RNF19B: variants seen among roughly 807,000 people sequenced by gnomAD.
RNF19B encodes E3 ubiquitin-protein ligase RNF19B.
In RNF19B, 23 loss-of-function variants were observed where a neutral mutation model predicts 65.5. The observed-to-expected ratio is 0.35, with a 90% CI of 0.25 to 0.50. The LOEUF (loss-of-function observed/expected upper bound fraction) is 0.50, where lower values mean the gene tolerates loss of function less well. Among genes scored for constraint, RNF19B ranks in the 20% least tolerant of loss-of-function variants. RNF19B has a pLI of 0.98. For missense variants in RNF19B, 794 were observed against 980.0 expected (o/e 0.81, Z 2.53); for synonymous variants, 372 against 379.6 (o/e 0.98, Z 0.23).
chr1:32,944,008 C>T lies in RNF19B; in HGVS notation c.1402+11G>A, dbSNP rs1642303611. 6.3e-7 allele frequency: 1 copy of T among 1,592,760 alleles called. No individual in the cohort carries two copies. Among genetic ancestry groups the T allele is most frequent in the Non-Finnish European group, 8.6e-7 (1 of 1,166,790 alleles). The stretch of plus-strand genomic sequence containing the variant: ...ATAAATTCAAATGGAAATAAACATC[C>T]TGCTTTTTACCTGTGATTGGACCAT... On this transcript the variant is annotated intron_variant, in intron 6 of 8. Transcript: ENST00000235150.
In RNF19B at chr1:32,964,806, C is replaced by G; in HGVS notation, c.-121G>C. 2.1e-6 allele frequency: 2 copies of G among 969,332 alleles called. 1 individual carries two copies. The highest frequency in any genetic ancestry group is 7.6e-4 in the Middle Eastern group (2 of 2,628). The allele number at this position is 969,332 out of a possible 1,614,324, so 60.0% of individuals were successfully genotyped here. A position where few individuals can be genotyped will look rare whatever the true frequency, so the allele number is the denominator to read the frequency against. ...ACCACCGCCTCAACCGCCCTCCCGG[C>G]GATAGAAGCCGAGCGGCAACGACGA... is the stretch of plus-strand genomic sequence containing the variant. On this transcript the variant is annotated 5_prime_UTR_variant, in exon 1 of 9. Coordinates refer to ENST00000235150, the MANE Select transcript of RNF19B (RefSeq NM_001300826.2). This position sits in a 1 kb window ranked among gnomAD's most constrained non-coding sequence, Gnocchi z 6.5.
intron 1 of RNF19B, among the ~76,000 whole-genome samples, chr1:32,952,441 A>AC (rs1642526545): frequency 6.8e-6 from 1 of 147,030 alleles, no homozygotes; most frequent in South Asian, 2.2e-4. Context: ...AAAAAAAAAA[A>AC]AAAAAAAAAA....
At chr1:32,952,558 T>C (rs1642532624) in intron 1 of RNF19B, among the ~76,000 whole-genome samples, 1 of 149,624 alleles carries the variant, frequency 6.7e-6, no homozygotes, top group Non-Finnish European at 1.5e-5. Flanking sequence ...CTGGCCAACA[T>C]GGTGAAACGC....
chr1:32,936,863 A>G lies in RNF19B; in HGVS notation c.2139T>C (p.Ser713=), dbSNP rs1488502788. 1.9e-6 allele frequency: 3 copies of G among 1,609,850 alleles called. No individual in the cohort carries two copies. In the East Asian group the frequency reaches 6.7e-5, roughly 36 times the overall value. ...APSPSAHMNL[S]ALAEGQTVLK... is the part of the protein sequence containing the mutation. ...AGACAGTTTGTCCCTCGGCTAGGGC[A>G]GAGAGGTTCATATGGGCACTTGGGC... Residue 713 remains serine (S), a synonymous_variant, in exon 9 of 9, where the codon TCT becomes TCC. Transcript: ENST00000235150.
chr1:32,948,060 A>G (rs1642409077), intron 3 of RNF19B, among the ~76,000 whole-genome samples, 162 bp downstream of exon 3: 3 of 152,200 alleles, frequency 2.0e-5, no homozygotes, highest in Admixed American at 1.3e-4. Context: ...TAGAAACAGA[A>G]TAGTAGCTGG....
rs939769352 is a variant in RNF19B at position 32,936,841 on chromosome 1, C to G, written c.2161G>C (p.Val721Leu). ...GCTTCTCCACCTTCTGGCTTCAAGA[C>G]AGTTTGTCCCTCGGCTAGGGCAGAG... ...NLSALAEGQT[V>L]LKPEGGEARV is the part of the protein sequence containing the mutation. Residue 721 changes from valine (V) to leucine (L), a missense_variant, in exon 9 of 9, where the codon GTC becomes CTC. Coordinates refer to ENST00000235150, the MANE Select transcript of RNF19B (RefSeq NM_001300826.2). The G allele has an allele frequency of 1.3e-6, 2 of 1,587,570 alleles. No individual in the cohort carries two copies. The highest frequency in any genetic ancestry group is 2.2e-5 in the East Asian group (1 of 44,482).
At position 32,949,738 on chromosome 1, in the gene RNF19B, C is replaced by T. The variant is rs768161540; in HGVS notation, c.672G>A (p.Pro224=). 6 of 1,613,694 alleles carry T rather than the reference C, an allele frequency of 3.7e-6. No homozygotes were observed. The highest frequency in any genetic ancestry group is 1.7e-5 in the Admixed American group (1 of 59,942). ...AACCTTCCCTCTCACAAGTTAGCTT[C>T]GGGCAGCTGGCACAGCCATAGGCAA... ...AVIAYGCASC[P]KLTCEREGCQ... Residue 224 remains proline (P), a synonymous_variant, in exon 2 of 9, where the codon CCG becomes CCA. Transcript: ENST00000235150.
chr1:32,955,870 T>C (rs746931118), intron 1 of RNF19B, among the ~76,000 whole-genome samples: 2 of 152,206 alleles, frequency 1.3e-5, no homozygotes, highest in Non-Finnish European at 2.9e-5. Context: ...TCTTTTAGCT[T>C]AACCAATCAG....
intron 1 of RNF19B, among the ~76,000 whole-genome samples, chr1:32,955,162 T>C (rs1286783392): frequency 6.6e-6 from 1 of 152,088 alleles, no homozygotes; most frequent in African/African-American, 2.4e-5. Flanking sequence ...CTTTTTAATC[T>C]CAGTCTAGTA....
At chr1:32,950,525 C>G (rs1367173933) in intron 1 of RNF19B, among the ~76,000 whole-genome samples, 1 of 151,562 alleles carries the variant, frequency 6.6e-6, no homozygotes, top group African/African-American at 2.4e-5. Flanking sequence ...AGAGCTATGG[C>G]AAAAACTAAA....
chr1:32,937,466 C>A (rs1334748344), intron 8 of RNF19B, among the ~76,000 whole-genome samples: 1 of 152,088 alleles, frequency 6.6e-6, no homozygotes, highest in Non-Finnish European at 1.5e-5. Context: ...AACCCCAGCG[C>A]TTTGGGAGGT....
At chr1:32,943,335 G>C (rs188962449) in intron 6 of RNF19B, among the ~76,000 whole-genome samples, 1 of 152,062 alleles carries the variant, frequency 6.6e-6, no homozygotes, top group Non-Finnish European at 1.5e-5. Context: ...ATTTAGGCCA[G>C]ATGTGGTGGC....
Position 32,938,490 on chromosome 1 carries a change from G to A in RNF19B, c.1649C>T (p.Pro550Leu), listed in dbSNP as rs890167934. The A allele has an allele frequency of 6.2e-7, 1 of 1,614,144 alleles. No individual in the cohort carries two copies. ...VQADVQKEIF[P>L]KDTASLGAIS... ...TGCACCAAGACTGGCTGTGTCTTTG[G>A]GGAAAATTTCCTTTTGGACATCGGC... Residue 550 changes from proline (P) to leucine (L), a missense_variant, in exon 8 of 9, where the codon CCC (proline) becomes CTC (leucine). This residue lies in a region of RNF19B where 368 missense variants were observed against 447.3 expected (regional missense o/e 0.82). Transcript: ENST00000235150.
At chr1:32,933,962 T>C (rs1642059738), downstream of RNF19B, among the ~76,000 whole-genome samples, 1 of 152,220 alleles carries the variant, frequency 6.6e-6, no homozygotes, top group Non-Finnish European at 1.5e-5. Context: ...TCTTTGATTT[T>C]ATCAAAGAAG....
At chr1:32,945,039 G>C (rs1478897757) in intron 5 of RNF19B, among the ~76,000 whole-genome samples, 3 of 152,070 alleles carry the variant, frequency 2.0e-5, no homozygotes, top group Non-Finnish European at 4.4e-5. Flanking sequence ...AGGATTGTGA[G>C]GATTAAATAA....
Position 32,946,578 on chromosome 1 carries a change from A to G in RNF19B, c.984-14T>C. The G allele has an allele frequency of 1.2e-6, 2 of 1,610,604 alleles. No homozygotes were observed. Among genetic ancestry groups the G allele is most frequent in the Non-Finnish European group, 1.7e-6 (2 of 1,178,228 alleles). ...CAGCCAGAGGGGCTGCAGGGGAAACAGACTGAAGTTAATGTCAACATTACA... is the reference window on the plus strand; with the variant it reads ...CAGCCAGAGGGGCTGCAGGGGAAACGGACTGAAGTTAATGTCAACATTACA... On this transcript the variant is annotated splice_polypyrimidine_tract_variant and intron_variant, in intron 3 of 8. Transcript: ENST00000235150.
At chr1:32,952,398 A>T (rs951403675) in intron 1 of RNF19B, among the ~76,000 whole-genome samples, 1 of 141,936 alleles carries the variant, frequency 7.0e-6, no homozygotes, top group African/African-American at 2.7e-5. Flanking sequence ...TTTTTAGACC[A>T]GCCTGGGCAA....
At chr1:32,959,399 C>G (rs1046454952) in intron 1 of RNF19B, among the ~76,000 whole-genome samples, 1 of 152,182 alleles carries the variant, frequency 6.6e-6, no homozygotes, top group Non-Finnish European at 1.5e-5. Flanking sequence ...TTAAGATTAG[C>G]AACAGGATAC....
Position 32,944,142 on chromosome 1 carries a change from T to C in RNF19B, c.1279A>G (p.Met427Val), listed in dbSNP as rs1376702155. ...ACAACCCCATAAACATATGCCAGCA[T>C]AATGGGGACACCAATACCTGGGGGA... ...AVSVGIGVPI[M>V]LAYVYGVVPI... The change falls in exon 6 of 9, where the codon ATG (methionine) becomes GTG (valine). Residue 427 changes from methionine (M) to valine (V), a missense_variant. This residue lies in a region of RNF19B where 368 missense variants were observed against 447.3 expected (regional missense o/e 0.82). Coordinates refer to ENST00000235150, the MANE Select transcript of RNF19B (RefSeq NM_001300826.2). 1 of 1,612,914 alleles carries C rather than the reference T, an allele frequency of 6.2e-7. No individual in the cohort carries two copies. Among genetic ancestry groups the C allele is most frequent in the Non-Finnish European group, 8.5e-7 (1 of 1,179,482 alleles).
Sources: allele counts gnomAD v4.1 joint callset (sites outside exome capture counted in the v4.1 genomes callset), GRCh38; gene constraint gnomAD v4.1.1; regional missense constraint gnomAD v4.1.1; non-coding constraint Gnocchi (gnomAD v3.1); transcripts MANE v1.5; gene names NCBI Gene and HGNC (gene_info 2026-07-23, HGNC 2026-07-21).